NDUFV2: variants seen among roughly 807,000 people sequenced by gnomAD.
The protein encoded by NDUFV2 is NADH dehydrogenase [ubiquinone] flavoprotein 2, mitochondrial.
A neutral mutation model predicts 31.6 loss-of-function variants in NDUFV2; 18 were observed. The observed-to-expected ratio is 0.57, with a 90% CI of 0.39 to 0.84. NDUFV2 has a LOEUF of 0.84. Among genes scored for constraint, NDUFV2 ranks in the 40% least tolerant of loss-of-function variants. The pLI is 0.00. For missense variants in NDUFV2, 314 were observed against 303.6 expected (o/e 1.03, Z -0.26); for synonymous variants, 83 against 99.8 (o/e 0.83, Z 1.01).
At chr18:9,127,039 G>T (rs2077997361) in intron 7 of NDUFV2, 132 bp downstream of exon 7, 1 of 767,268 alleles carries the variant, frequency 1.3e-6, no homozygotes, top group Non-Finnish European at 2.3e-6. Context: ...TTATCTATAT[G>T]AATCTCATCT....
chr18:9,111,118 A>G (rs1270473285), intron 1 of NDUFV2, among the ~76,000 whole-genome samples: 1 of 152,116 alleles, frequency 6.6e-6, no homozygotes, highest in Non-Finnish European at 1.5e-5. Flanking sequence ...TGTTCTTTTA[A>G]AGCTTTGATG....
intron 1 of NDUFV2, chr18:9,104,358 A>G (rs2077830727): frequency 8.1e-6 from 12 of 1,473,008 alleles, no homozygotes; most frequent in South Asian, 3.7e-5. Context: ...GAGGAATAAG[A>G]TGTGGTTTCT....
In NDUFV2 at chr18:9,119,352, T is replaced by C; in HGVS notation, c.147T>C (p.Pro49=). The change falls in exon 3 of 8, where the codon CCT becomes CCC. Residue 49 remains proline (P), a synonymous_variant. Transcript: ENST00000318388. ...ACAGAGATACTCCTGAGAATAACCC[T>C]GATACTCCATTTGATTTCACACCAG... ...FVHRDTPENN[P]DTPFDFTPEN... 1 of 1,613,070 alleles carries C rather than the reference T, an allele frequency of 6.2e-7. No individual in the cohort carries two copies. The highest frequency in any genetic ancestry group is 8.5e-7 in the Non-Finnish European group (1 of 1,179,124).
At chr18:9,116,999 G>A (rs538264071) in intron 1 of NDUFV2, among the ~76,000 whole-genome samples, 2 of 151,986 alleles carry the variant, frequency 1.3e-5, no homozygotes, top group South Asian at 4.1e-4. Context: ...ACTGAACATT[G>A]TCAGTCCGCA....
intron 1 of NDUFV2, among the ~76,000 whole-genome samples, chr18:9,117,037 ACT>A (rs2077901600): frequency 6.9e-6 from 1 of 145,686 alleles, no homozygotes; most frequent in African/African-American, 2.6e-5. Context: ...TTCTGAAACT[ACT>A]TTTTTTTTTT....
intron 7 of NDUFV2, among the ~76,000 whole-genome samples, chr18:9,127,254 T>G (rs1184031195): frequency 6.6e-6 from 1 of 152,170 alleles, no homozygotes; most frequent in African/African-American, 2.4e-5. Flanking sequence ...AAAGATAATT[T>G]TAGTACCTCT....
In NDUFV2 at chr18:9,102,720, G is replaced by C; in HGVS notation, c.-24G>C. 6.3e-7 allele frequency: 1 copy of C among 1,578,170 alleles called. No homozygotes were observed. Among genetic ancestry groups the C allele is most frequent in the East Asian group, 2.4e-5 (1 of 42,482 alleles). The stretch of plus-strand genomic sequence containing the variant: ...CGGGATTCTCGCCTGGCGCGGCTGG[G>C]GAAGGTGAACAGTGTGGCCCGCCAT... On this transcript the variant is annotated 5_prime_UTR_variant, in exon 1 of 8. Coordinates refer to ENST00000318388, the MANE Select transcript of NDUFV2 (RefSeq NM_021074.5).
chr18:9,119,674 C>T, intron 4 of NDUFV2, 84 bp downstream of exon 4: 3 of 1,129,954 alleles, frequency 2.7e-6, no homozygotes, highest in East Asian at 4.7e-5. Context: ...CTCTGATCAT[C>T]TCCAGTGTCA....
At chr18:9,128,334 T>C (rs1432963992) in intron 7 of NDUFV2, among the ~76,000 whole-genome samples, 2 of 152,204 alleles carry the variant, frequency 1.3e-5, no homozygotes. Flanking sequence ...CTACTAATAA[T>C]ACCCTACTTA....
intron 1 of NDUFV2, among the ~76,000 whole-genome samples, chr18:9,107,049 G>A (rs572229199): frequency 6.6e-6 from 1 of 152,078 alleles, no homozygotes; most frequent in East Asian, 1.9e-4. Context: ...CTCTTTTGTT[G>A]TGTAAACTAA....
At chr18:9,107,994 T>A (rs2077850193) in intron 1 of NDUFV2, among the ~76,000 whole-genome samples, 1 of 152,174 alleles carries the variant, frequency 6.6e-6, no homozygotes, top group Non-Finnish European at 1.5e-5. Context: ...GAACCCCGGG[T>A]CCACTGGATG....
At position 9,117,915 on chromosome 18, in the gene NDUFV2, C is replaced by T. The variant is rs925909449; in HGVS notation, c.120+12C>T. On this transcript the variant is annotated intron_variant, in intron 2 of 7. Coordinates refer to ENST00000318388, the MANE Select transcript of NDUFV2 (RefSeq NM_021074.5). Reference sequence around the variant, plus strand: ...GAGCTTTATTTGTGGTAAGTAATTACTTAGATTTCTTTGGAAAGAAAAGAC... The same window carrying T: ...GAGCTTTATTTGTGGTAAGTAATTATTTAGATTTCTTTGGAAAGAAAAGAC... The T allele has an allele frequency of 6.4e-7, 1 of 1,558,278 alleles. No individual in the cohort carries two copies. The highest frequency in any genetic ancestry group is 8.9e-7 in the Non-Finnish European group (1 of 1,129,528).
chr18:9,115,951 C>G (rs2077895892), intron 1 of NDUFV2: 2 of 151,864 alleles, frequency 1.3e-5, no homozygotes, highest in Admixed American at 1.3e-4. Context: ...GTGCTTGTTT[C>G]TCTATATGCT....
chr18:9,127,466 T>A (rs923614112), intron 7 of NDUFV2, among the ~76,000 whole-genome samples: 3 of 152,206 alleles, frequency 2.0e-5, no homozygotes, highest in Non-Finnish European at 2.9e-5. Flanking sequence ...TTGTCTTTTT[T>A]ATTTATTTAT....
At chr18:9,107,960 C>CA (rs2077850063) in intron 1 of NDUFV2, among the ~76,000 whole-genome samples, 2 of 152,150 alleles carry the variant, frequency 1.3e-5, no homozygotes, top group Admixed American at 6.5e-5. Context: ...TATACAAAGA[C>CA]ACTGAAGTGC....
rs1395295027 is a variant in NDUFV2, at chr18:9,117,678, ACT to A, written c.55-156_55-155del. The A allele has an allele frequency of 4.2e-5, 24 of 571,910 alleles. No individual in the cohort carries two copies. The East Asian group carries it at 6.5e-4, about 15-fold the overall frequency. 35.4% of individuals were successfully genotyped at this position (571,910 alleles called of 1,614,324 possible). A position where few individuals can be genotyped will look rare whatever the true frequency, so the allele number is the denominator to read the frequency against. On this transcript the variant is annotated intron_variant, in intron 1 of 7. Transcript: ENST00000318388. ...GCTTTGAATCTCCATTTGTAAAATA[ACT>A]CTCCTGAAATAGAGATGGATAGGGT... is the stretch of plus-strand genomic sequence containing the variant.
chr18:9,103,072 T>G (rs2077823117), intron 1 of NDUFV2: 1 of 422,788 alleles, frequency 2.4e-6, no homozygotes, highest in South Asian at 6.8e-5. Context: ...TGTTTGTTTG[T>G]TTTTGCTGTT....
intron 3 of NDUFV2, 31 bp downstream of exon 3, chr18:9,119,419 AC>A (rs2077918272): frequency 1.2e-6 from 2 of 1,603,702 alleles, no homozygotes; most frequent in Non-Finnish European, 1.7e-6. Flanking sequence ...TAATTAATTT[AC>A]CAAATAGGTA....
At chr18:9,108,804 C>T (rs1385217578) in intron 1 of NDUFV2, among the ~76,000 whole-genome samples, 3 of 151,656 alleles carry the variant, frequency 2.0e-5, no homozygotes, top group African/African-American at 7.3e-5. Flanking sequence ...GATTCTCCTG[C>T]CTCAGCCTCC....
Sources: gnomAD v4.1 joint callset for allele counts (sites outside exome capture counted in the v4.1 genomes callset) on GRCh38, gnomAD v4.1.1 for gene constraint, MANE v1.5 for transcripts, NCBI Gene and HGNC (gene_info 2026-07-23, HGNC 2026-07-21) for gene names.